CLVS1: variants seen among roughly 807,000 people sequenced by gnomAD.
CLVS1 encodes the protein clavesin-1.
CLVS1 carries 10 observed loss-of-function variants against 33.1 expected under a neutral mutation model. The ratio of observed to expected loss-of-function variants is 0.30; its 90% confidence interval spans 0.19 to 0.51. The LOEUF (loss-of-function observed/expected upper bound fraction) is 0.51. Among genes scored for constraint, CLVS1 ranks in the 20% least tolerant of loss-of-function variants. The pLI, the probability that CLVS1 is intolerant of heterozygous loss-of-function variation, is 0.97. For synonymous variants in CLVS1, 163 were observed against 166.1 expected, an observed-to-expected ratio of 0.98 and a Z score of 0.14; for missense variants, 343 against 433.4, an observed-to-expected ratio of 0.79 and a Z score of 1.85.
At chr8:61,137,372 C>T (rs1046390034) in intron 2 of CLVS1, among the ~76,000 whole-genome samples, 3 of 152,192 alleles carry the variant, frequency 2.0e-5, no homozygotes, top group Non-Finnish European at 1.5e-5. Context: ...TTGGTGCTAT[C>T]ACTTGGTAGC....
At chr8:61,214,175 T>G (rs1323201488) in intron 2 of CLVS1, among the ~76,000 whole-genome samples, 2 of 152,218 alleles carry the variant, frequency 1.3e-5, no homozygotes, top group Non-Finnish European at 2.9e-5. Context: ...TCATTAGCAA[T>G]TTTAATTTCA....
At chr8:61,385,967 A>G (rs1281690585) in intron 3 of CLVS1, among the ~76,000 whole-genome samples, 1 of 152,152 alleles carries the variant, frequency 6.6e-6, no homozygotes, top group African/African-American at 2.4e-5. Context: ...CATTTGAGGG[A>G]CTTTTTTGTT....
intron 2 of CLVS1, among the ~76,000 whole-genome samples, chr8:61,339,983 T>A (rs1399177057): frequency 2.8e-3 from 196 of 69,872 alleles, no homozygotes; most frequent in Admixed American, 4.2e-3. Context: ...AGAAAGAAAG[T>A]GAAAAAGAGA....
At chr8:61,242,514 G>A (rs891976317) in intron 2 of CLVS1, among the ~76,000 whole-genome samples, 1 of 152,210 alleles carries the variant, frequency 6.6e-6, no homozygotes, top group Middle Eastern at 3.4e-3. Context: ...CTAAGGCCAG[G>A]CATGGTGGCT....
In CLVS1 at chr8:61,236,805, A is replaced by G. The variant is rs139552716; in HGVS notation, c.-151-62872A>G. Reference sequence around the variant, plus strand: ...CAAATGAGGAAATTATGGTCAAGAGAGCTGAGTCGCTTCCCCAGGTCACAG... The same window carrying G: ...CAAATGAGGAAATTATGGTCAAGAGGGCTGAGTCGCTTCCCCAGGTCACAG... On this transcript the variant is annotated intron_variant, in intron 2 of 2. Transcript: ENST00000522621. Among the ~76,000 whole-genome samples the G allele has an allele frequency of 4.0e-3, 606 of 152,178 alleles. 2 individuals carry two copies. Among genetic ancestry groups the G allele is most frequent in the African/African-American group, 0.014 (570 of 41,520 alleles).
intron 2 of CLVS1, among the ~76,000 whole-genome samples, chr8:61,206,500 A>G (rs1315494115): frequency 6.6e-6 from 1 of 152,176 alleles, no homozygotes; most frequent in African/African-American, 2.4e-5. Context: ...TCCACTGGGA[A>G]GCCTTCCTTA....
chr8:61,431,290 T>G (rs1165850694), intron 3 of CLVS1, among the ~76,000 whole-genome samples: 2 of 152,180 alleles, frequency 1.3e-5, no homozygotes, highest in African/African-American at 4.8e-5. Context: ...TTAAACAACG[T>G]TCAACAGATT....
At chr8:61,467,962 C>T (rs191962592) in intron 5 of CLVS1, among the ~76,000 whole-genome samples, 1,712 of 152,014 alleles carry the variant, frequency 0.011, 14 homozygotes, top group Non-Finnish European at 0.018. Context: ...ACGCTGGCTA[C>T]CGAAAACATT....
chr8:61,423,017 T>C (rs1815739324), intron 3 of CLVS1, among the ~76,000 whole-genome samples: 1 of 152,176 alleles, frequency 6.6e-6, no homozygotes, highest in Non-Finnish European at 1.5e-5. Flanking sequence ...AATGGACTGC[T>C]ATTAGACTTC....
chr8:61,415,050 G>C (rs961076290), intron 3 of CLVS1, among the ~76,000 whole-genome samples: 2 of 152,260 alleles, frequency 1.3e-5, no homozygotes, highest in African/African-American at 2.4e-5. Flanking sequence ...CCAAAAAACC[G>C]AGCGATTGCA....
chr8:61,098,327 G>A (rs1161082929), intron 1 of CLVS1, among the ~76,000 whole-genome samples: 1 of 151,722 alleles, frequency 6.6e-6, no homozygotes, highest in African/African-American at 2.4e-5. Flanking sequence ...ACAGTGATTA[G>A]GAGGGCTCTG....
chr8:61,003,303 G>A, the CLVS1 span, among the ~76,000 whole-genome samples: 1 of 152,176 alleles, frequency 6.6e-6, no homozygotes, highest in Admixed American at 6.5e-5. Context: ...GTTCTGGGGA[G>A]TGGATAGAGG....
At chr8:61,382,310 T>A (rs992358319) in intron 3 of CLVS1, among the ~76,000 whole-genome samples, 1 of 152,198 alleles carries the variant, frequency 6.6e-6, no homozygotes, top group Non-Finnish European at 1.5e-5. Context: ...TATGCAGACA[T>A]CCTGACTCGT....
At chr8:60,982,497 A>G in the CLVS1 span, among the ~76,000 whole-genome samples, 1 of 152,206 alleles carries the variant, frequency 6.6e-6, no homozygotes, top group African/African-American at 2.4e-5. Context: ...TAAAAGGCCT[A>G]TGTAAAGTAG....
At chr8:61,468,735 A>AG (rs1554578172) in intron 5 of CLVS1, among the ~76,000 whole-genome samples, 1 of 138,770 alleles carries the variant, frequency 7.2e-6, no homozygotes, top group African/African-American at 3.1e-5. Context: ...AAAAAAAAAA[A>AG]AAAAGGTAGT....
chr8:60,967,985 C>G, the CLVS1 span, among the ~76,000 whole-genome samples: 1 of 152,162 alleles, frequency 6.6e-6, no homozygotes. Flanking sequence ...GTCGCCCAGG[C>G]TGGAGTGCAG....
chr8:61,045,812 G>A, the CLVS1 span, among the ~76,000 whole-genome samples: 2 of 152,162 alleles, frequency 1.3e-5, no homozygotes, highest in East Asian at 3.9e-4. Context: ...ACATGGCTGT[G>A]CCTCTGGCCA....
intron 1 of CLVS1, chr8:61,288,341 G>A: frequency 2.2e-6 from 1 of 449,604 alleles, no homozygotes; most frequent in South Asian, 1.6e-5. Context: ...CGCCCGCTCA[G>A]CCTGCGCCCC....
Position 61,479,073 on chromosome 8 carries a change from C to T in CLVS1, c.978-20382C>T, listed in dbSNP as rs143245786. ...AATTATGTGTCTTTGAGTTGCTCTT[C>T]TCGTGGAGTATCTTTGTGGCATTCT... On this transcript the variant is annotated intron_variant, in intron 5 of 5. Coordinates refer to ENST00000325897, the MANE Select transcript of CLVS1 (RefSeq NM_173519.3). Among the ~76,000 whole-genome samples the T allele has an allele frequency of 3.7e-4, 57 of 152,248 alleles. No homozygotes were observed. The East Asian group carries it at 8.5e-3, about 23-fold the overall frequency.
Sources: allele counts gnomAD v4.1 joint callset (sites outside exome capture counted in the v4.1 genomes callset), GRCh38; gene constraint gnomAD v4.1.1; transcripts MANE v1.5; gene names NCBI Gene and HGNC (gene_info 2026-07-23, HGNC 2026-07-21).